AOPEP: variants seen among roughly 807,000 people sequenced by gnomAD.
AOPEP encodes aminopeptidase O (putative).
Under a neutral mutation model 98.1 loss-of-function variants are expected in AOPEP, and 77 were observed. That is an observed-to-expected ratio of 0.78 (90% CI 0.65 to 0.95). AOPEP has a LOEUF of 0.95. AOPEP is among the 40% of genes least tolerant of loss of function. The pLI, the probability that AOPEP is intolerant of heterozygous loss-of-function variation, is 0.00. For synonymous variants in AOPEP, 346 were observed against 365.3 expected, an observed-to-expected ratio of 0.95 and a Z score of 0.60; for missense variants, 1,024 against 1,024.7, an observed-to-expected ratio of 1.00 and a Z score of 0.01.
At chr9:94,977,030 T>C (rs932263630) in intron 10 of AOPEP, among the ~76,000 whole-genome samples, 1 of 152,300 alleles carries the variant, frequency 6.6e-6, no homozygotes, top group South Asian at 2.1e-4. Context: ...AAAGGAGCTT[T>C]GGGCTCAGGG....
downstream of AOPEP, among the ~76,000 whole-genome samples, chr9:95,087,871 C>T (rs542736660): frequency 6.4e-4 from 98 of 152,352 alleles, no homozygotes; most frequent in Middle Eastern, 6.8e-3. Flanking sequence ...TGCACCTGAA[C>T]ACACCCACAG....
At chr9:95,150,160 T>A in the AOPEP span, 4 of 1,546,336 alleles carry the variant, frequency 2.6e-6, no homozygotes, top group Non-Finnish European at 3.6e-6. Flanking sequence ...AAAACCTTCA[T>A]GCTAAAAAGG....
Position 94,785,157 on chromosome 9 carries a change from A to G in AOPEP, c.965-7608A>G, listed in dbSNP as rs55941120. Among the ~76,000 whole-genome samples the G allele has an allele frequency of 2.3e-3, 349 of 150,548 alleles. 1 individual carries two copies. Among genetic ancestry groups the G allele is most frequent in the Non-Finnish European group, 4.3e-3 (290 of 67,726 alleles). On this transcript the variant is annotated intron_variant, in intron 3 of 16. Coordinates refer to ENST00000375315, the MANE Select transcript of AOPEP (RefSeq NM_001193329.3). The stretch of plus-strand genomic sequence containing the variant: ...GCTATGTTGGCCAGGCTGGTCTCAA[A>G]CTCCCGATCTCAGGTGATCCACCCG...
At chr9:94,862,860 A>C (rs2045218876) in intron 5 of AOPEP, among the ~76,000 whole-genome samples, 1 of 152,080 alleles carries the variant, frequency 6.6e-6, no homozygotes, top group South Asian at 2.1e-4. Context: ...GGACTTCTTT[A>C]TATTCTCTCA....
intron 16 of AOPEP, among the ~76,000 whole-genome samples, chr9:95,084,049 G>T (rs1490882767): frequency 6.6e-6 from 1 of 152,104 alleles, no homozygotes; most frequent in Non-Finnish European, 1.5e-5. Context: ...TTATTTCTGT[G>T]TCTGCTCCGT....
intron 13 of AOPEP, among the ~76,000 whole-genome samples, chr9:95,043,604 A>G (rs886275235): frequency 4.6e-5 from 7 of 152,234 alleles, no homozygotes; most frequent in Admixed American, 3.9e-4. Flanking sequence ...ATGATACTCC[A>G]GTTTTAACAT....
At chr9:94,804,835 A>G (rs997992227) in intron 5 of AOPEP, among the ~76,000 whole-genome samples, 1 of 152,222 alleles carries the variant, frequency 6.6e-6, no homozygotes, top group Non-Finnish European at 1.5e-5. Flanking sequence ...TAAGTGTCAC[A>G]GTGGGAGAAT....
At chr9:94,925,328 A>G (rs181845439) in intron 6 of AOPEP, among the ~76,000 whole-genome samples, 1 of 152,262 alleles carries the variant, frequency 6.6e-6, no homozygotes, top group Admixed American at 6.5e-5. Flanking sequence ...TCCCCCTGTC[A>G]TCTCTGTCCC....
chr9:94,898,947 CAAAT>C (rs765054937), intron 5 of AOPEP, among the ~76,000 whole-genome samples: 5 of 150,606 alleles, frequency 3.3e-5, no homozygotes, highest in Admixed American at 2.0e-4. Flanking sequence ...GGCACTGTCT[CAAAT>C]AAATAAATAA....
intron 7 of AOPEP, chr9:94,932,701 C>T (rs141109572): frequency 0.071 from 43,234 of 609,938 alleles, 1,711 homozygotes; most frequent in South Asian, 0.14. Flanking sequence ...CCAGGCTGGT[C>T]TCAAACTCCT....
rs929393806 is a variant in AOPEP, at chr9:94,806,187, C to T, written c.1364+5185C>T. 2.6e-5 allele frequency among the ~76,000 whole-genome samples: 4 copies of T among 152,210 alleles called. No individual in the cohort carries two copies. The East Asian group carries it at 7.7e-4, about 29-fold the overall frequency. ...CCTTAAATTAGTATGCCTTTGAATTCACCATGGCTGCCAACTTCTCTACTT... is the reference window on the plus strand; with the variant it reads ...CCTTAAATTAGTATGCCTTTGAATTTACCATGGCTGCCAACTTCTCTACTT... On this transcript the variant is annotated intron_variant, in intron 5 of 16. Transcript: ENST00000375315.
At chr9:94,821,210 TTGAGTGAATGACATTAGC>T (rs1384925275) in intron 5 of AOPEP, among the ~76,000 whole-genome samples, 2 of 152,160 alleles carry the variant, frequency 1.3e-5, no homozygotes, top group African/African-American at 4.8e-5. Flanking sequence ...TGCCTTGGCG[TTGAGTGAATGACATTAGC>T]TGGTGTGGGG....
chr9:95,044,381 G>A (rs1356266863), intron 13 of AOPEP, among the ~76,000 whole-genome samples: 1 of 151,958 alleles, frequency 6.6e-6, no homozygotes, highest in Admixed American at 6.6e-5. Flanking sequence ...CTGGATGCAG[G>A]TGGGGGTGGG....
In AOPEP at chr9:94,931,039, T is replaced by G. The variant is rs115254692; in HGVS notation, c.1661+2508T>G. On this transcript the variant is annotated intron_variant, in intron 7 of 16. Transcript: ENST00000375315. ...TCTTAGTCCCTTTGATCCCTTTGGT[T>G]TTGCATAACCATAGTCCTTCAGTGG... Among the ~76,000 whole-genome samples, 406 of 152,282 alleles carry G rather than the reference T, an allele frequency of 2.7e-3. 3 individuals carry two copies. The highest frequency in any genetic ancestry group is 9.5e-3 in the African/African-American group (393 of 41,552).
At chr9:94,912,736 C>T (rs1564368962) in intron 5 of AOPEP, among the ~76,000 whole-genome samples, 1 of 152,204 alleles carries the variant, frequency 6.6e-6, no homozygotes, top group Non-Finnish European at 1.5e-5. Flanking sequence ...TTGTTGCTGG[C>T]ACAGCGCGTT....
the AOPEP span, among the ~76,000 whole-genome samples, chr9:95,122,983 G>A: frequency 2.0e-5 from 3 of 152,174 alleles, no homozygotes; most frequent in Admixed American, 2.0e-4. Context: ...CAGGGAAAGT[G>A]AGGGTGGGAA....
chr9:94,830,780 G>A (rs1588440161), intron 5 of AOPEP, among the ~76,000 whole-genome samples: 1 of 152,132 alleles, frequency 6.6e-6, no homozygotes, highest in East Asian at 1.9e-4. Flanking sequence ...TTGTGGTTTT[G>A]ATTTGCATTT....
chr9:94,967,622 T>G, intron 9 of AOPEP, 136 bp from the exon 10 acceptor site: 1 of 662,714 alleles, frequency 1.5e-6, no homozygotes, highest in East Asian at 2.7e-5. Flanking sequence ...GAGTCTATAG[T>G]CTTTTAAGTC....
intron 10 of AOPEP, among the ~76,000 whole-genome samples, chr9:94,977,006 T>G (rs1340910677): frequency 6.6e-6 from 1 of 152,098 alleles, no homozygotes; most frequent in Non-Finnish European, 1.5e-5. Context: ...TGAGGATCGC[T>G]TGAAGGATGG....
Sources: gnomAD v4.1 joint callset for allele counts (sites outside exome capture counted in the v4.1 genomes callset) on GRCh38, gnomAD v4.1.1 for gene constraint, MANE v1.5 for transcripts, NCBI Gene and HGNC (gene_info 2026-07-23, HGNC 2026-07-21) for gene names.